Variants in SPAG16 observed in about 807,000 individuals in gnomAD.
SPAG16 encodes sperm-associated antigen 16 protein.
Under a neutral mutation model 80.4 loss-of-function variants are expected in SPAG16, and 86 were observed. The observed-to-expected ratio is 1.07, with a 90% CI of 0.90 to 1.28. The LOEUF (loss-of-function observed/expected upper bound fraction) is 1.28, where lower values mean the gene tolerates loss of function less well. Ranked by LOEUF, SPAG16 falls within the 50% of genes most tolerant of loss-of-function variation. The pLI, the probability that SPAG16 is intolerant of heterozygous loss-of-function variation, is 0.00. For missense variants in SPAG16, 870 were observed against 765.3 expected (o/e 1.14, Z -1.61); for synonymous variants, 294 against 265.9 (o/e 1.11, Z -1.03).
At chr2:214,338,669 A>G (rs1200994243) in intron 15 of SPAG16, among the ~76,000 whole-genome samples, 1 of 152,190 alleles carries the variant, frequency 6.6e-6, no homozygotes, top group Non-Finnish European at 1.5e-5. Flanking sequence ...CCATAATAGA[A>G]TGAAAAGGTG....
chr2:214,197,015 T>C (rs1301416902), intron 15 of SPAG16, among the ~76,000 whole-genome samples: 1 of 151,998 alleles, frequency 6.6e-6, no homozygotes, highest in African/African-American at 2.4e-5. Flanking sequence ...TAATTAATAA[T>C]AGTTAAAGGC....
intron 10 of SPAG16, among the ~76,000 whole-genome samples, chr2:213,841,949 T>TA (rs2074383293): frequency 6.6e-6 from 1 of 152,128 alleles, no homozygotes; most frequent in East Asian, 1.9e-4. Flanking sequence ...TGAGATAGGA[T>TA]ATATCTAGGG....
chr2:214,175,267 G>GTA (rs1198058002), intron 15 of SPAG16, among the ~76,000 whole-genome samples: 2 of 141,462 alleles, frequency 1.4e-5, no homozygotes, highest in East Asian at 2.0e-4. Context: ...ATAAAGAAAT[G>GTA]TATATATATA....
At position 214,311,367 on chromosome 2, in the gene SPAG16, A is replaced by C. The variant is rs529271291; in HGVS notation, c.1721-98773A>C. Among the ~76,000 whole-genome samples, 8 of 152,228 alleles carry C rather than the reference A, an allele frequency of 5.3e-5. No individual in the cohort carries two copies. The East Asian group carries it at 1.2e-3, about 22-fold the overall frequency. ...ATACACAAACAGTGTGGTCCCTGCC[A>C]CCTGAGTCTGAGTTTGGTGTGAGTG... On this transcript the variant is annotated intron_variant, in intron 15 of 15. Coordinates refer to ENST00000331683, the MANE Select transcript of SPAG16 (RefSeq NM_024532.5).
At chr2:213,559,308 C>T (rs1349554564) in intron 10 of SPAG16, among the ~76,000 whole-genome samples, 1 of 152,094 alleles carries the variant, frequency 6.6e-6, no homozygotes, top group African/African-American at 2.4e-5. Context: ...AGCTTCTAAC[C>T]TTGTGATGGC....
At chr2:213,653,973 T>C (rs1044705499) in intron 10 of SPAG16, among the ~76,000 whole-genome samples, 5 of 152,162 alleles carry the variant, frequency 3.3e-5, no homozygotes, top group African/African-American at 1.2e-4. Flanking sequence ...TTAATAGCAC[T>C]TTTGAAGATA....
chr2:213,869,280 T>TATATATATATATACAC (rs869276304), intron 11 of SPAG16, among the ~76,000 whole-genome samples: 3 of 112,452 alleles, frequency 2.7e-5, no homozygotes, highest in South Asian at 3.5e-4. Context: ...TATATATATA[T>TATATATATATATACAC]GTATATATAT....
At chr2:213,799,210 A>C (rs1457060562) in intron 10 of SPAG16, among the ~76,000 whole-genome samples, 1 of 152,132 alleles carries the variant, frequency 6.6e-6, no homozygotes, top group Non-Finnish European at 1.5e-5. Flanking sequence ...TGAACATAGG[A>C]TGCTATTCCA....
At chr2:214,204,524 G>C (rs1045473493) in intron 15 of SPAG16, among the ~76,000 whole-genome samples, 1 of 152,218 alleles carries the variant, frequency 6.6e-6, no homozygotes, top group East Asian at 1.9e-4. Context: ...ACACTACCCT[G>C]TATGAGCCCA....
chr2:213,359,993 AATAAATAAAATGGAGAAGTTAGG>A (rs1297066192), intron 7 of SPAG16, among the ~76,000 whole-genome samples: 1 of 152,206 alleles, frequency 6.6e-6, no homozygotes, highest in Non-Finnish European at 1.5e-5. Flanking sequence ...CATTGAAAAA[AATAAATAAAATGGAGAAGTTAGG>A]ATTTATAAAT....
intron 15 of SPAG16, among the ~76,000 whole-genome samples, chr2:214,340,099 A>G (rs1357457821): frequency 6.6e-6 from 1 of 152,156 alleles, no homozygotes; most frequent in Admixed American, 6.5e-5. Context: ...CATGCAAGGG[A>G]GGGAAGGATT....
intron 15 of SPAG16, among the ~76,000 whole-genome samples, chr2:214,193,426 T>TGTGTGA (rs1185090258): frequency 7.3e-6 from 1 of 136,516 alleles, no homozygotes; most frequent in African/African-American, 2.8e-5. Flanking sequence ...TGTGTGTGTA[T>TGTGTGA]GAGAGAGAGA....
chr2:213,359,875 G>A (rs928429194), intron 7 of SPAG16, among the ~76,000 whole-genome samples: 6 of 152,060 alleles, frequency 3.9e-5, no homozygotes, highest in South Asian at 2.1e-4. Flanking sequence ...AGCTGCAGAC[G>A]GGAGCTGTTC....
At chr2:213,756,826 C>T (rs2068364919) in intron 10 of SPAG16, among the ~76,000 whole-genome samples, 2 of 151,914 alleles carry the variant, frequency 1.3e-5, no homozygotes, top group African/African-American at 4.8e-5. Context: ...GATGTAATAA[C>T]TGTTATATTC....
At chr2:213,555,052 A>G (rs1253069940) in intron 10 of SPAG16, among the ~76,000 whole-genome samples, 1 of 152,188 alleles carries the variant, frequency 6.6e-6, no homozygotes, top group Non-Finnish European at 1.5e-5. Context: ...TAATCAAATT[A>G]TCAAAAAACA....
At position 214,126,184 on chromosome 2, in the gene SPAG16, C is replaced by T. The variant is rs541113664; in HGVS notation, c.1593+17923C>T. 4.0e-5 allele frequency among the ~76,000 whole-genome samples: 6 copies of T among 148,420 alleles called. No individual in the cohort carries two copies. In the East Asian group the frequency reaches 6.0e-4, roughly 15 times the overall value. ...GATGGAGTGAGCTTGCTAGGCTTTA[C>T]GGAGAAGGGAGAAGGGAGAAGGGAT... On this transcript the variant is annotated intron_variant, in intron 14 of 15. Transcript: ENST00000331683.
At chr2:213,709,701 G>C (rs991637891) in intron 10 of SPAG16, among the ~76,000 whole-genome samples, 1 of 151,948 alleles carries the variant, frequency 6.6e-6, no homozygotes, top group South Asian at 2.1e-4. Context: ...AAAAAACATG[G>C]AGAATATAGT....
intron 10 of SPAG16, among the ~76,000 whole-genome samples, chr2:213,645,168 G>C (rs2062775991): frequency 6.6e-6 from 1 of 152,190 alleles, no homozygotes; most frequent in Non-Finnish European, 1.5e-5. Flanking sequence ...CAGACTACAA[G>C]CCAATGTTTC....
intron 10 of SPAG16, among the ~76,000 whole-genome samples, chr2:213,611,824 A>G (rs1487805946): frequency 6.6e-6 from 1 of 152,194 alleles, no homozygotes; most frequent in Non-Finnish European, 1.5e-5. Flanking sequence ...ATATTGTTTT[A>G]CAATTGAAAC....
Sources: allele counts gnomAD v4.1 joint callset (sites outside exome capture counted in the v4.1 genomes callset), GRCh38; gene constraint gnomAD v4.1.1; transcripts MANE v1.5; gene names NCBI Gene and HGNC (gene_info 2026-07-23, HGNC 2026-07-21).